The following TMEM108 variants were observed in gnomAD, a reference collection of about 807,000 sequenced individuals.
The protein encoded by TMEM108 is transmembrane protein 108.
In TMEM108, 12 loss-of-function variants were observed where a neutral mutation model predicts 35.1. That is an observed-to-expected ratio of 0.34 (90% confidence interval 0.22 to 0.55). The LOEUF (loss-of-function observed/expected upper bound fraction) is 0.55. TMEM108 is among the 20% of genes least tolerant of loss of function. TMEM108 has a pLI of 0.89. For synonymous variants in TMEM108, 287 were observed against 308.6 expected, an observed-to-expected ratio of 0.93 and a Z score of 0.73; for missense variants, 680 against 753.3, an observed-to-expected ratio of 0.90 and a Z score of 1.14.
intron 3 of TMEM108, among the ~76,000 whole-genome samples, chr3:133,283,860 C>T (rs1424294371): frequency 6.6e-6 from 1 of 152,190 alleles, no homozygotes; most frequent in Admixed American, 6.5e-5. Flanking sequence ...TAGTGTCTCT[C>T]AGATACTCAG....
rs540527117 is a variant in TMEM108 at position 133,173,370 on chromosome 3, A to T, written c.-46-55896A>T. 4.6e-5 allele frequency among the ~76,000 whole-genome samples: 7 copies of T among 152,366 alleles called. No individual in the cohort carries two copies. The South Asian group carries it at 1.4e-3, about 32-fold the overall frequency. On this transcript the variant is annotated intron_variant, in intron 2 of 5. Transcript: ENST00000321871. ...ATCTGATTTAGATAATACTGCATGTAGGTTGTATATCTACACAAACCAAGA... is the reference window on the plus strand; with the variant it reads ...ATCTGATTTAGATAATACTGCATGTTGGTTGTATATCTACACAAACCAAGA...
At chr3:133,122,232 A>G (rs942261421) in intron 2 of TMEM108, among the ~76,000 whole-genome samples, 1 of 152,154 alleles carries the variant, frequency 6.6e-6, no homozygotes, top group African/African-American at 2.4e-5. Context: ...GTATAATTCA[A>G]TGTGTATTTG....
intron 2 of TMEM108, among the ~76,000 whole-genome samples, chr3:133,088,359 A>G (rs1184169045): frequency 6.6e-6 from 1 of 152,204 alleles, no homozygotes; most frequent in Admixed American, 6.5e-5. Context: ...GGAGGAGACC[A>G]TGGCCTGAGC....
intron 2 of TMEM108, among the ~76,000 whole-genome samples, chr3:133,092,392 TTTTC>T (rs879764710): frequency 6.6e-6 from 1 of 152,222 alleles, no homozygotes; most frequent in Non-Finnish European, 1.5e-5. Flanking sequence ...TATTTAAAAG[TTTTC>T]TTTCTGTCAA....
intron 2 of TMEM108, among the ~76,000 whole-genome samples, chr3:133,083,677 A>T (rs1468607441): frequency 6.6e-6 from 1 of 152,092 alleles, no homozygotes; most frequent in Non-Finnish European, 1.5e-5. Context: ...GATAGTTCTA[A>T]CCCTGAGGAC....
intron 2 of TMEM108, among the ~76,000 whole-genome samples, chr3:133,151,977 G>T (rs1944807954): frequency 2.0e-5 from 3 of 152,162 alleles, no homozygotes; most frequent in Non-Finnish European, 2.9e-5. Context: ...TAGACCATAT[G>T]CTACTGTATG....
intron 3 of TMEM108, among the ~76,000 whole-genome samples, chr3:133,238,670 T>C (rs1946272618): frequency 6.6e-6 from 1 of 152,194 alleles, no homozygotes; most frequent in Non-Finnish European, 1.5e-5. Context: ...TTCAAGGAGC[T>C]GGGTCATCTC....
rs897593495 is a variant in TMEM108 at position 133,259,095 on chromosome 3, T to C, written c.40+29744T>C. On this transcript the variant is annotated intron_variant, in intron 3 of 5. Transcript: ENST00000321871. Reference sequence around the variant, plus strand: ...TCTCCCAGTTACCAAGGAGACCTTATTGGCCTTAATACATTACCACCACTA... The same window carrying C: ...TCTCCCAGTTACCAAGGAGACCTTACTGGCCTTAATACATTACCACCACTA... Among the ~76,000 whole-genome samples the C allele has an allele frequency of 3.3e-5, 5 of 152,332 alleles. No individual in the cohort carries two copies. In the South Asian group the frequency reaches 1.0e-3, roughly 32 times the overall value.
intron 3 of TMEM108, among the ~76,000 whole-genome samples, chr3:133,243,190 A>C (rs888994060): frequency 6.6e-6 from 1 of 152,070 alleles, no homozygotes; most frequent in Non-Finnish European, 1.5e-5. Flanking sequence ...TGAGGTAGGG[A>C]CAGCCCCTGA....
chr3:133,388,438 C>CT, intron 4 of TMEM108: 1 of 985,452 alleles, frequency 1.0e-6, no homozygotes, highest in South Asian at 4.7e-5. Flanking sequence ...CAGCCCCCTC[C>CT]TTGCCCCTTT....
chr3:133,390,346 G>T lies in TMEM108; in HGVS notation c.1605+12G>T. On this transcript the variant is annotated intron_variant, in intron 5 of 5. Transcript: ENST00000321871. ...TTGAAACCTCTGAGGTAATGAGCTT[G>T]AAAGTGCTGGCCCCACTGCAGGGAA... 3 of 1,613,610 alleles carry T rather than the reference G, an allele frequency of 1.9e-6. No homozygotes were observed. Among genetic ancestry groups the T allele is most frequent in the Non-Finnish European group, 2.5e-6 (3 of 1,179,918 alleles).
chr3:133,262,295 G>A (rs1001148238), intron 3 of TMEM108, among the ~76,000 whole-genome samples: 2 of 152,118 alleles, frequency 1.3e-5, no homozygotes, highest in African/African-American at 4.8e-5. Flanking sequence ...CAGTGGATCT[G>A]TTTCAACATA....
In TMEM108 at chr3:133,187,358, A is replaced by G. The variant is rs1945435614; in HGVS notation, c.-46-41908A>G. On this transcript the variant is annotated intron_variant, in intron 2 of 5. Coordinates refer to ENST00000321871, the MANE Select transcript of TMEM108 (RefSeq NM_023943.4). ...TTTAGAAACCATGAGAAGTTCTGTA[A>G]TAGATTGGTGTTATACGGAGCTCTT... Among the ~76,000 whole-genome samples, 3 of 152,142 alleles carry G rather than the reference A, an allele frequency of 2.0e-5. No individual in the cohort carries two copies. In the South Asian group the frequency reaches 6.2e-4, roughly 32 times the overall value.
intron 4 of TMEM108, among the ~76,000 whole-genome samples, chr3:133,382,872 G>A (rs1360760091): frequency 6.6e-6 from 1 of 152,174 alleles, no homozygotes; most frequent in Non-Finnish European, 1.5e-5. Flanking sequence ...TCTCCTTCAG[G>A]TTGATGAGCA....
At chr3:133,370,924 C>A (rs1231698144) in intron 3 of TMEM108, among the ~76,000 whole-genome samples, 1 of 68,338 alleles carries the variant, frequency 1.5e-5, no homozygotes, top group Admixed American at 1.7e-4. Context: ...GTGTGTGTGC[C>A]AGGAAGCTTC....
intron 2 of TMEM108, among the ~76,000 whole-genome samples, chr3:133,069,931 T>G (rs903483815): frequency 1.3e-5 from 2 of 152,166 alleles, no homozygotes; most frequent in African/African-American, 4.8e-5. Context: ...CTATTTTTAT[T>G]CACTATTTTT....
intron 2 of TMEM108, among the ~76,000 whole-genome samples, chr3:133,091,866 A>C (rs1943950630): frequency 6.6e-6 from 1 of 152,318 alleles, no homozygotes; most frequent in Non-Finnish European, 1.5e-5. Flanking sequence ...ATAAAAAAAA[A>C]ACAAAACCCA....
At chr3:133,356,153 A>G (rs1427319079) in intron 3 of TMEM108, among the ~76,000 whole-genome samples, 1 of 152,196 alleles carries the variant, frequency 6.6e-6, no homozygotes, top group Non-Finnish European at 1.5e-5. Context: ...ATGTACACAA[A>G]TCAGTAGTAC....
chr3:133,394,384 G>A (rs1390565246), intron 5 of TMEM108, among the ~76,000 whole-genome samples: 1 of 152,184 alleles, frequency 6.6e-6, no homozygotes, highest in Non-Finnish European at 1.5e-5. Flanking sequence ...ACAAGTGCTT[G>A]GAAACTTCCA....
Sources: allele counts gnomAD v4.1 joint callset (sites outside exome capture counted in the v4.1 genomes callset), GRCh38; gene constraint gnomAD v4.1.1; transcripts MANE v1.5; gene names NCBI Gene and HGNC (gene_info 2026-07-23, HGNC 2026-07-21).